Variants in CSMD1 observed in about 807,000 individuals in gnomAD.
CSMD1 encodes CUB and sushi domain-containing protein 1.
In CSMD1, 213 loss-of-function variants were observed where a neutral mutation model predicts 417.5. The ratio of observed to expected loss-of-function variants is 0.51; its 90% CI spans 0.46 to 0.57. The LOEUF is 0.57. CSMD1 is among the 20% of genes least tolerant of loss of function. CSMD1 has a pLI of 0.00. For missense variants in CSMD1, 6,923 were observed against 4,529.7 expected, an observed-to-expected ratio of 1.53 and a Z score of -15.17; for synonymous variants, 2,862 against 1,736.8, an observed-to-expected ratio of 1.65 and a Z score of -16.11.
chr8:4,730,966 T>C (rs1454386992), intron 1 of CSMD1, among the ~76,000 whole-genome samples: 1 of 152,088 alleles, frequency 6.6e-6, no homozygotes, highest in Non-Finnish European at 1.5e-5. Flanking sequence ...TGGGGTGATT[T>C]TACTCATTTA....
chr8:3,651,975 C>T (rs373880035), intron 7 of CSMD1, among the ~76,000 whole-genome samples: 165 of 149,574 alleles, frequency 1.1e-3, no homozygotes, highest in African/African-American at 3.6e-3. Flanking sequence ...ACCACCAGAG[C>T]GCCTACCAAC....
intron 1 of CSMD1, among the ~76,000 whole-genome samples, chr8:4,853,850 G>A (rs776024615): frequency 6.6e-6 from 1 of 152,240 alleles, no homozygotes; most frequent in Non-Finnish European, 1.5e-5. Flanking sequence ...GCAGTAGTGT[G>A]ACCTGGATGC....
chr8:4,992,538 G>A (rs1002943334), intron 1 of CSMD1, among the ~76,000 whole-genome samples: 7 of 152,170 alleles, frequency 4.6e-5, no homozygotes, highest in Admixed American at 2.0e-4. Context: ...TCCACGCAGG[G>A]GCTCGGCTGG....
rs192538973 is a variant in CSMD1 at position 4,171,089 on chromosome 8, G to C, written c.416-138990C>G. On this transcript the variant is annotated intron_variant, in intron 3 of 69. Transcript: ENST00000635120. ...GTTCCCCTCCACGGTGCTTACCAGAGTCCAGCTGTACTACCTGCCCTTCAG... is the reference window on the plus strand; with the variant it reads ...GTTCCCCTCCACGGTGCTTACCAGACTCCAGCTGTACTACCTGCCCTTCAG... Among the ~76,000 whole-genome samples, 427 of 151,932 alleles carry C rather than the reference G, an allele frequency of 2.8e-3. 10 individuals are homozygous for C. Among genetic ancestry groups the C allele is most frequent in the African/African-American group, 9.8e-3 (402 of 41,216 alleles).
At chr8:4,445,271 T>C (rs746939606) in intron 2 of CSMD1, among the ~76,000 whole-genome samples, 1 of 152,204 alleles carries the variant, frequency 6.6e-6, no homozygotes, top group Non-Finnish European at 1.5e-5. Context: ...ATGTTCTCTG[T>C]CATTACCTAT....
At chr8:4,462,302 C>CA (rs1330760482) in intron 2 of CSMD1, among the ~76,000 whole-genome samples, 1 of 152,082 alleles carries the variant, frequency 6.6e-6, no homozygotes, top group African/African-American at 2.4e-5. Flanking sequence ...AAAATAAGTA[C>CA]AAAATATATA....
chr8:4,154,823 G>A (rs925608305), intron 3 of CSMD1, among the ~76,000 whole-genome samples: 1 of 152,022 alleles, frequency 6.6e-6, no homozygotes, highest in East Asian at 1.9e-4. Flanking sequence ...AGAGAGGCAC[G>A]ATTATAAATT....
chr8:3,976,877 G>C (rs1813475261), intron 5 of CSMD1, among the ~76,000 whole-genome samples: 1 of 152,130 alleles, frequency 6.6e-6, no homozygotes, highest in South Asian at 2.1e-4. Context: ...CTAGCACTGA[G>C]ATGTGTACCT....
At chr8:3,811,774 G>C (rs998215522) in intron 5 of CSMD1, among the ~76,000 whole-genome samples, 1 of 152,084 alleles carries the variant, frequency 6.6e-6, no homozygotes, top group Non-Finnish European at 1.5e-5. Context: ...AGCTGAGTGA[G>C]AGATGAGGAG....
At chr8:4,110,994 C>A (rs1801823536) in intron 3 of CSMD1, among the ~76,000 whole-genome samples, 1 of 152,076 alleles carries the variant, frequency 6.6e-6, no homozygotes, top group African/African-American at 2.4e-5. Flanking sequence ...CTGGAACAAG[C>A]TCACTAAGAG....
intron 7 of CSMD1, among the ~76,000 whole-genome samples, chr8:3,673,349 T>C (rs1357698132): frequency 2.0e-5 from 3 of 152,168 alleles, no homozygotes; most frequent in Non-Finnish European, 4.4e-5. Flanking sequence ...ACAAAAGAAT[T>C]GCAATTTCAT....
intron 1 of CSMD1, among the ~76,000 whole-genome samples, chr8:4,772,442 T>C (rs1381540131): frequency 6.6e-6 from 1 of 152,172 alleles, no homozygotes; most frequent in Non-Finnish European, 1.5e-5. Context: ...TTAAGGCCTA[T>C]AGCTTTAATT....
chr8:3,468,590 G>T, intron 12 of CSMD1, 122 bp downstream of exon 12: 1 of 603,064 alleles, frequency 1.7e-6, no homozygotes, highest in Admixed American at 3.1e-5. Context: ...TTCCCGTCAT[G>T]ATTCCTATTT....
intron 5 of CSMD1, among the ~76,000 whole-genome samples, chr8:3,905,816 C>G (rs1460110079): frequency 6.6e-6 from 1 of 152,202 alleles, no homozygotes; most frequent in East Asian, 1.9e-4. Flanking sequence ...TAACAAAGTC[C>G]AAACATCTGG....
At position 4,749,860 on chromosome 8, in the gene CSMD1, G is replaced by T. The variant is rs76181351; in HGVS notation, c.86-112302C>A. On this transcript the variant is annotated intron_variant, in intron 1 of 69. Transcript: ENST00000635120. ...TGGAAAGCCAGGGTGTGGATTTACG[G>T]CAAAAAGAGAAATGCAACTTCAAAA... Among the ~76,000 whole-genome samples, 710 of 152,092 alleles carry T rather than the reference G, an allele frequency of 4.7e-3. 34 individuals are homozygous for T. The East Asian group carries it at 0.11, about 23-fold the overall frequency.
intron 1 of CSMD1, among the ~76,000 whole-genome samples, chr8:4,681,939 T>C (rs1046056629): frequency 1.3e-5 from 2 of 152,170 alleles, no homozygotes; most frequent in Admixed American, 6.5e-5. Flanking sequence ...GAAGTGTTGA[T>C]TTATTTTCTT....
intron 5 of CSMD1, among the ~76,000 whole-genome samples, chr8:3,819,941 C>A (rs991359433): frequency 6.6e-6 from 1 of 152,114 alleles, no homozygotes; most frequent in Non-Finnish European, 1.5e-5. Context: ...CTTCGCCTCT[C>A]CCTTGAATAA....
At chr8:3,000,623 T>C (rs1461403961) in intron 52 of CSMD1, among the ~76,000 whole-genome samples, 1 of 152,186 alleles carries the variant, frequency 6.6e-6, no homozygotes, top group Non-Finnish European at 1.5e-5. Flanking sequence ...ATAAGTTCAA[T>C]TTCAATTATG....
chr8:4,370,474 C>A (rs114313340), intron 3 of CSMD1, among the ~76,000 whole-genome samples: 1 of 152,134 alleles, frequency 6.6e-6, no homozygotes, highest in Non-Finnish European at 1.5e-5. Flanking sequence ...CTTGCATTTG[C>A]ATGGCAACTG....
Sources: allele counts gnomAD v4.1 joint callset (sites outside exome capture counted in the v4.1 genomes callset), GRCh38; gene constraint gnomAD v4.1.1; transcripts MANE v1.5; gene names NCBI Gene and HGNC (gene_info 2026-07-23, HGNC 2026-07-21).